PSD3: variants seen among roughly 807,000 people sequenced by gnomAD.
The protein encoded by PSD3 is PH and SEC7 domain-containing protein 3.
Under a neutral mutation model 105.5 loss-of-function variants are expected in PSD3, and 49 were observed. The ratio of observed to expected loss-of-function variants is 0.46; its 90% CI spans 0.37 to 0.59. The LOEUF (loss-of-function observed/expected upper bound fraction) is 0.59. Among genes scored for constraint, PSD3 ranks in the 20% least tolerant of loss-of-function variants. PSD3 has a pLI of 0.00. For synonymous variants in PSD3, 557 were observed against 457.8 expected (o/e 1.22, Z -2.77); for missense variants, 1,561 against 1,263.8 (o/e 1.24, Z -3.57).
At chr8:18,938,477 G>T (rs1307262220) in intron 1 of PSD3, among the ~76,000 whole-genome samples, 2 of 152,040 alleles carry the variant, frequency 1.3e-5, no homozygotes, top group African/African-American at 4.8e-5. Flanking sequence ...ACAAAAATTG[G>T]CCAGGCGTGG....
chr8:18,940,870 A>G lies in PSD3; in HGVS notation c.22-4728T>C, dbSNP rs1207773905. 1.3e-5 allele frequency among the ~76,000 whole-genome samples: 2 copies of G among 152,122 alleles called. 1 individual carries two copies. Among genetic ancestry groups the G allele is most frequent in the South Asian group, 4.1e-4 (2 of 4,826 alleles). ...CACGCTTCTGTCTGTCAGTTCCCCA[A>G]TAAAACACCCTATAACAACAGTCTG... On this transcript the variant is annotated intron_variant, in intron 1 of 15. Coordinates refer to ENST00000327040, the MANE Select transcript of PSD3 (RefSeq NM_015310.4).
intron 9 of PSD3, among the ~76,000 whole-genome samples, chr8:18,667,098 C>A (rs569353093): frequency 6.6e-6 from 1 of 152,070 alleles, no homozygotes; most frequent in Non-Finnish European, 1.5e-5. Context: ...CTCATAAAGG[C>A]AGTGTGGAAG....
intron 3 of PSD3, among the ~76,000 whole-genome samples, chr8:18,869,200 T>A (rs1209051979): frequency 6.7e-6 from 1 of 149,976 alleles, no homozygotes; most frequent in Non-Finnish European, 1.5e-5. Context: ...CTTTTTTTTT[T>A]TTTTTTTGAG....
At chr8:18,687,739 T>C (rs1800741092) in intron 9 of PSD3, among the ~76,000 whole-genome samples, 1 of 152,068 alleles carries the variant, frequency 6.6e-6, no homozygotes, top group Non-Finnish European at 1.5e-5. Flanking sequence ...TTTCTTCTCA[T>C]GGACTATAAA....
intron 8 of PSD3, among the ~76,000 whole-genome samples, chr8:18,770,592 G>T (rs1807428784): frequency 6.6e-6 from 1 of 152,188 alleles, no homozygotes; most frequent in Non-Finnish European, 1.5e-5. Context: ...AGGTGAGTGG[G>T]TACGGCAGCT....
chr8:19,077,732 A>C (rs190176590), intron 1 of PSD3, among the ~76,000 whole-genome samples: 2 of 152,214 alleles, frequency 1.3e-5, no homozygotes, highest in Admixed American at 1.3e-4. Context: ...ATTAGGATCA[A>C]ATCATTGCGT....
At chr8:18,544,728 G>C (rs1800356925) in intron 15 of PSD3, among the ~76,000 whole-genome samples, 1 of 152,234 alleles carries the variant, frequency 6.6e-6, no homozygotes, top group South Asian at 2.1e-4. Flanking sequence ...AGGAGGCCTG[G>C]GTCTGTAGAA....
In PSD3 at chr8:18,635,816, T is replaced by C. The variant is rs940531424; in HGVS notation, c.2217-3010A>G. On this transcript the variant is annotated intron_variant, in intron 10 of 15. Coordinates refer to ENST00000327040, the MANE Select transcript of PSD3 (RefSeq NM_015310.4). ...ACCAAACACCACATGTTCTCACTCATAAGTGAAAGTTGAACAATGAGAACA... is the reference window on the plus strand; with the variant it reads ...ACCAAACACCACATGTTCTCACTCACAAGTGAAAGTTGAACAATGAGAACA... 2.2e-5 allele frequency among the ~76,000 whole-genome samples: 3 copies of C among 138,154 alleles called. 1 individual carries two copies. The Admixed American group carries it at 2.5e-4, about 11-fold the overall frequency. The allele number at this position is 138,154 out of a possible 152,430, so 90.6% of individuals were successfully genotyped here.
intron 1 of PSD3, among the ~76,000 whole-genome samples, chr8:19,053,378 A>T (rs1354565714): frequency 1.3e-5 from 2 of 152,182 alleles, no homozygotes; most frequent in Non-Finnish European, 2.9e-5. Flanking sequence ...ATAAAATGAA[A>T]TCTCACAGGA....
In PSD3 at chr8:18,532,347, G is replaced by A. The variant is rs1799667822; in HGVS notation, c.*3396C>T. On this transcript the variant is annotated 3_prime_UTR_variant, in exon 16 of 16. Coordinates refer to ENST00000327040, the MANE Select transcript of PSD3 (RefSeq NM_015310.4). ...TACAAACCTATCTTAGCCTTGGAAA[G>A]CCACCCAGATTTTCCTCTTCCAGAG... The A allele has an allele frequency of 6.6e-6, 1 of 152,186 alleles. No homozygotes were observed. Among genetic ancestry groups the A allele is most frequent in the Non-Finnish European group, 1.5e-5 (1 of 68,044 alleles). The allele number at this position is 152,186 out of a possible 1,614,324, so 9.4% of individuals were successfully genotyped here.
chr8:18,575,492 C>T (rs1802412796), intron 12 of PSD3, among the ~76,000 whole-genome samples: 1 of 152,122 alleles, frequency 6.6e-6, no homozygotes, highest in African/African-American at 2.4e-5. Flanking sequence ...GAAAATACAT[C>T]TACCCAAGGC....
chr8:19,074,959 T>C (rs540595141), intron 1 of PSD3, among the ~76,000 whole-genome samples: 11 of 151,074 alleles, frequency 7.3e-5, no homozygotes, highest in African/African-American at 2.4e-4. Context: ...ACTATTTTTT[T>C]TTTTGAGATG....
At chr8:18,840,444 G>A (rs2129451248) in intron 4 of PSD3, among the ~76,000 whole-genome samples, 1 of 152,310 alleles carries the variant, frequency 6.6e-6, no homozygotes, top group East Asian at 1.9e-4. Context: ...GATCTATCAT[G>A]AGCTTTCATT....
chr8:18,766,998 C>G (rs931499008), intron 8 of PSD3, among the ~76,000 whole-genome samples: 4 of 152,196 alleles, frequency 2.6e-5, no homozygotes, highest in African/African-American at 4.8e-5. Context: ...GAAGTCACTA[C>G]AGCATCTTCC....
chr8:18,754,000 T>TAC (rs530452228), intron 9 of PSD3, among the ~76,000 whole-genome samples: 79 of 152,340 alleles, frequency 5.2e-4, no homozygotes, highest in African/African-American at 1.7e-3. Flanking sequence ...CACTTCTTGC[T>TAC]ACTGCCCCTC....
chr8:18,823,810 A>C (rs921672068), intron 4 of PSD3, among the ~76,000 whole-genome samples: 6 of 149,386 alleles, frequency 4.0e-5, no homozygotes, highest in Non-Finnish European at 7.4e-5. Flanking sequence ...ACACACACAC[A>C]CACACCCCAT....
At chr8:18,674,611 G>C (rs1183148393) in intron 9 of PSD3, among the ~76,000 whole-genome samples, 1 of 152,170 alleles carries the variant, frequency 6.6e-6, no homozygotes, top group East Asian at 1.9e-4. Flanking sequence ...TCACAGCAGG[G>C]GGTGGATGGG....
At chr8:18,879,292 A>T (rs1817960057) in intron 2 of PSD3, among the ~76,000 whole-genome samples, 1 of 152,184 alleles carries the variant, frequency 6.6e-6, no homozygotes, top group Non-Finnish European at 1.5e-5. Context: ...AAACGAGGTC[A>T]GATAAGAGGG....
intron 14 of PSD3, among the ~76,000 whole-genome samples, chr8:18,558,106 G>A (rs1344184377): frequency 3.3e-5 from 5 of 152,190 alleles, no homozygotes; most frequent in African/African-American, 4.8e-5. Context: ...CTTGATCTTG[G>A]ATTTCCCATC....
Sources: gnomAD v4.1 joint callset for allele counts (sites outside exome capture counted in the v4.1 genomes callset) on GRCh38, gnomAD v4.1.1 for gene constraint, MANE v1.5 for transcripts, NCBI Gene and HGNC (gene_info 2026-07-23, HGNC 2026-07-21) for gene names.